SOX6: variants seen among roughly 807,000 people sequenced by gnomAD.
SOX6 encodes the protein transcription factor SOX-6.
A neutral mutation model predicts 97.8 loss-of-function variants in SOX6; 11 were observed. That is an observed-to-expected ratio of 0.11 (90% CI 0.07 to 0.19). SOX6 has a LOEUF of 0.19. Ranked by LOEUF, SOX6 falls within the 10% of genes least tolerant of loss-of-function variation. The pLI, the probability that SOX6 is intolerant of heterozygous loss-of-function variation, is 1.00. For synonymous variants in SOX6, 360 were observed against 371.4 expected, an observed-to-expected ratio of 0.97 and a Z score of 0.35; for missense variants, 810 against 1,039.5, an observed-to-expected ratio of 0.78 and a Z score of 3.04.
intron 4 of SOX6, among the ~76,000 whole-genome samples, chr11:16,505,722 T>C (rs1053771033): frequency 5.9e-5 from 9 of 152,130 alleles, no homozygotes; most frequent in Non-Finnish European, 1.2e-4. Flanking sequence ...TGAGCCATAC[T>C]CAGGGCCCCG....
At chr11:16,038,275 G>T (rs746859492) in intron 12 of SOX6, among the ~76,000 whole-genome samples, 3 of 152,106 alleles carry the variant, frequency 2.0e-5, no homozygotes, top group Admixed American at 6.6e-5. Flanking sequence ...ATTGACGGAT[G>T]ATTGTACTTT....
At position 15,972,237 on chromosome 11, in the gene SOX6, G is replaced by A. The variant is rs548623913; in HGVS notation, c.*572C>T. On this transcript the variant is annotated 3_prime_UTR_variant, in exon 16 of 16. Coordinates refer to ENST00000683767, the MANE Select transcript of SOX6 (RefSeq NM_001367873.1). ...CAAAATATTAAGATTCAAAAGTTAC[G>A]AAAAAGTTTGGCACATTCAAAGTTT... The A allele has an allele frequency of 1.2e-3, 180 of 152,970 alleles. No individual in the cohort carries two copies. Among genetic ancestry groups the A allele is most frequent in the African/African-American group, 4.2e-3 (175 of 41,540 alleles). 9.5% of individuals were successfully genotyped at this position (152,970 alleles called of 1,614,324 possible).
At chr11:16,081,269 A>AG (rs1490197916) in intron 9 of SOX6, among the ~76,000 whole-genome samples, 14 of 152,074 alleles carry the variant, frequency 9.2e-5, no homozygotes, top group Admixed American at 2.6e-4. Flanking sequence ...GTTCACACTA[A>AG]GGGCCAGTGT....
rs1851951853 is a variant in SOX6, at chr11:16,201,922, C to T, written c.536-14967G>A. ...TGCTGGGATTACAGGCGTGAGCCACCGCGCCCGGCCTGCAAAGTATTTTTA... is the reference window on the plus strand; with the variant it reads ...TGCTGGGATTACAGGCGTGAGCCACTGCGCCCGGCCTGCAAAGTATTTTTA... On this transcript the variant is annotated intron_variant, in intron 4 of 15. Coordinates refer to ENST00000683767, the MANE Select transcript of SOX6 (RefSeq NM_001367873.1). Among the ~76,000 whole-genome samples, 2 of 135,252 alleles carry T rather than the reference C, an allele frequency of 1.5e-5. 1 individual carries two copies. The highest frequency in any genetic ancestry group is 5.7e-5 in the African/African-American group (2 of 35,250). 88.7% of individuals were successfully genotyped at this position (135,252 alleles called of 152,430 possible).
chr11:16,540,635 A>T (rs1359220653), intron 4 of SOX6, among the ~76,000 whole-genome samples: 1 of 152,210 alleles, frequency 6.6e-6, no homozygotes. Flanking sequence ...TCAGGATACA[A>T]AATCAATGTG....
intron 3 of SOX6, 74 bp downstream of exon 3, chr11:16,318,372 C>CTTTT: frequency 2.9e-5 from 39 of 1,361,576 alleles, no homozygotes; most frequent in African/African-American, 6.0e-5. Flanking sequence ...TGAAATCCCA[C>CTTTT]TTTTTTTTTT....
At chr11:16,401,061 T>C (rs949524542) in intron 1 of SOX6, among the ~76,000 whole-genome samples, 2 of 151,554 alleles carry the variant, frequency 1.3e-5, no homozygotes, top group African/African-American at 4.8e-5. Context: ...CATTTTTCAA[T>C]TATATACCAA....
chr11:16,163,093 T>A (rs1850795846), intron 6 of SOX6, among the ~76,000 whole-genome samples: 1 of 150,282 alleles, frequency 6.7e-6, no homozygotes, highest in African/African-American at 2.4e-5. Context: ...AAGGATCAGA[T>A]AAGAGTATGA....
rs199650896 is a variant in SOX6 at position 16,176,496 on chromosome 11, G to A, written c.777+7390C>T. On this transcript the variant is annotated intron_variant, in intron 6 of 15. Coordinates refer to ENST00000683767, the MANE Select transcript of SOX6 (RefSeq NM_001367873.1). The stretch of plus-strand genomic sequence containing the variant: ...GTGACACATCACGTTAAAGCCCTCA[G>A]GAAGTAGTATAATTAACTGTCTAAA... Among the ~76,000 whole-genome samples the A allele has an allele frequency of 5.9e-5, 9 of 151,792 alleles. No individual in the cohort carries two copies. The East Asian group carries it at 1.8e-3, about 30-fold the overall frequency.
intron 3 of SOX6, chr11:16,317,710 C>T (rs1472203953): frequency 1.3e-5 from 2 of 153,556 alleles, no homozygotes; most frequent in Non-Finnish European, 2.9e-5. Flanking sequence ...ACTTGCAATG[C>T]TAGTAATAAA....
At chr11:16,290,913 G>A (rs145460994) in intron 3 of SOX6, among the ~76,000 whole-genome samples, 10 of 152,068 alleles carry the variant, frequency 6.6e-5, no homozygotes, top group African/African-American at 1.2e-4. Context: ...ATATGCATGG[G>A]TGAAGTGGCA....
intron 3 of SOX6, among the ~76,000 whole-genome samples, chr11:16,707,926 AAG>A (rs1467454587): frequency 6.6e-6 from 1 of 152,184 alleles, no homozygotes; most frequent in African/African-American, 2.4e-5. Context: ...TCAAAACAAA[AAG>A]AAAATAATCA....
intron 1 of SOX6, among the ~76,000 whole-genome samples, chr11:16,364,084 A>C (rs1023788152): frequency 4.6e-5 from 7 of 152,178 alleles, no homozygotes; most frequent in Non-Finnish European, 8.8e-5. Flanking sequence ...TATATTACCC[A>C]ACAAATTAAC....
intron 1 of SOX6, among the ~76,000 whole-genome samples, chr11:16,737,293 G>A (rs924341339): frequency 7.2e-5 from 11 of 152,098 alleles, no homozygotes; most frequent in African/African-American, 1.2e-4. Context: ...TGAAACCTCC[G>A]CCTCCCGGGT....
intron 3 of SOX6, among the ~76,000 whole-genome samples, chr11:16,698,615 C>T (rs1394478319): frequency 6.6e-6 from 1 of 152,188 alleles, no homozygotes; most frequent in Non-Finnish European, 1.5e-5. Context: ...ATGGCTTCTT[C>T]CCTAAATTTA....
At chr11:16,227,439 TG>T (rs144478595) in intron 4 of SOX6, among the ~76,000 whole-genome samples, 2,557 of 152,120 alleles carry the variant, frequency 0.017, 66 homozygotes, top group African/African-American at 0.058. Flanking sequence ...GAATTTTTAA[TG>T]TTTTTTTTTT....
chr11:16,272,850 A>C (rs1854296662), intron 3 of SOX6, among the ~76,000 whole-genome samples: 1 of 151,902 alleles, frequency 6.6e-6, no homozygotes, highest in Non-Finnish European at 1.5e-5. Context: ...GATGTGCTAT[A>C]ACACTCCATC....
intron 3 of SOX6, among the ~76,000 whole-genome samples, chr11:16,714,117 T>C (rs1321596640): frequency 6.6e-6 from 1 of 152,182 alleles, no homozygotes. Context: ...TAATAAAATA[T>C]AAATTATTTG....
chr11:16,003,430 G>A (rs1338160977), intron 13 of SOX6, among the ~76,000 whole-genome samples: 1 of 151,950 alleles, frequency 6.6e-6, no homozygotes, highest in Admixed American at 6.6e-5. Context: ...TCTGACAGGT[G>A]GCACCCTATG....
Sources: allele counts gnomAD v4.1 joint callset (sites outside exome capture counted in the v4.1 genomes callset), GRCh38; gene constraint gnomAD v4.1.1; transcripts MANE v1.5; gene names NCBI Gene and HGNC (gene_info 2026-07-23, HGNC 2026-07-21).